Variants in NRTN observed in about 807,000 individuals in gnomAD.
NRTN encodes prepro-neurturin.
A neutral mutation model predicts 7.5 loss-of-function variants in NRTN; 3 were observed. The ratio of observed to expected loss-of-function variants is 0.40; its 90% CI spans 0.18 to 1.03. The LOEUF (loss-of-function observed/expected upper bound fraction) is 1.03, where lower values mean the gene tolerates loss of function less well. NRTN is among the 50% of genes least tolerant of loss of function. The probability of loss-of-function intolerance (pLI) is 0.34; values close to 1 mark genes in which losing one functional copy is unlikely to be tolerated. For synonymous variants in NRTN, 157 were observed against 146.6 expected (o/e 1.07, Z -0.51); for missense variants, 310 against 307.0 (o/e 1.01, Z -0.07).
rs1377614211 is a variant in NRTN at position 5,806,676 on chromosome 19, A to C, written c.-399+1225A>C. Among the ~76,000 whole-genome samples, 10 of 151,600 alleles carry C rather than the reference A, an allele frequency of 6.6e-5. No individual in the cohort carries two copies. The East Asian group carries it at 1.9e-3, about 29-fold the overall frequency. On this transcript the variant is annotated intron_variant, in intron 1 of 2. Coordinates refer to ENST00000303212, the MANE Select transcript of NRTN (RefSeq NM_004558.5). The surrounding 1 kb of genome is among the most constrained non-coding windows in gnomAD (Gnocchi z 5.4). ...CCCGAGGTTCATAGCTCCGGCACCG[A>C]CTCCACCCCCAGGGAGCTACAGAAA...
rs1004960281 is a variant in NRTN at position 5,828,178 on chromosome 19, A to G, written c.*5A>G. 1.1e-5 allele frequency: 17 copies of G among 1,527,976 alleles called. No homozygotes were observed. Among genetic ancestry groups the G allele is most frequent in the Non-Finnish European group, 1.3e-5 (15 of 1,143,752 alleles). The allele number at this position is 1,527,976 out of a possible 1,614,324, so 94.7% of individuals were successfully genotyped here. A position where few individuals can be genotyped will look rare whatever the true frequency, so the allele number is the denominator to read the frequency against. ...CGCGAGTGCGCCTGCGTGTGACCCTACCTCACTCGGCCGGCGCGGCGGCCA... is the reference window on the plus strand; with the variant it reads ...CGCGAGTGCGCCTGCGTGTGACCCTGCCTCACTCGGCCGGCGCGGCGGCCA... On this transcript the variant is annotated 3_prime_UTR_variant, in exon 3 of 3. Coordinates refer to ENST00000303212, the MANE Select transcript of NRTN (RefSeq NM_004558.5).
At chr19:5,821,290 C>T (rs2057023630) in intron 1 of NRTN, among the ~76,000 whole-genome samples, 1 of 143,448 alleles carries the variant, frequency 7.0e-6, no homozygotes, top group Non-Finnish European at 1.5e-5. Flanking sequence ...CACCCAGTGC[C>T]TAGCTTTTTT....
intron 1 of NRTN, among the ~76,000 whole-genome samples, chr19:5,810,492 G>T (rs1294625723): frequency 6.6e-6 from 1 of 151,866 alleles, no homozygotes; most frequent in Non-Finnish European, 1.5e-5. Context: ...GGAAAACAGG[G>T]CTAATAATAA....
intron 2 of NRTN, among the ~76,000 whole-genome samples, chr19:5,827,387 G>T (rs1035138236): frequency 1.3e-5 from 2 of 152,070 alleles, no homozygotes; most frequent in Admixed American, 6.6e-5. Flanking sequence ...TGAGAGAGGG[G>T]CCCAGAGGAG....
chr19:5,817,946 C>G (rs1291512594), intron 1 of NRTN, among the ~76,000 whole-genome samples: 1 of 151,870 alleles, frequency 6.6e-6, no homozygotes, highest in African/African-American at 2.4e-5. Context: ...ATTACAGGCG[C>G]ACACTGCCAC....
At chr19:5,824,445 C>A (rs761725811) in intron 2 of NRTN, 111 bp downstream of exon 2, 22 of 1,352,758 alleles carry the variant, frequency 1.6e-5, no homozygotes, top group Admixed American at 9.9e-5. Context: ...AAGATAGGGC[C>A]AGCCAGCCCC....
In NRTN at chr19:5,824,219, G is replaced by T; in HGVS notation, c.54G>T (p.Leu18=). The change falls in exon 2 of 3, where the codon CTG becomes CTT. Residue 18 remains leucine (L), a synonymous_variant. Coordinates refer to ENST00000303212, the MANE Select transcript of NRTN (RefSeq NM_004558.5). Reference sequence around the variant, plus strand: ...CCTCAGTGCTCTGCAGCTCCGTGCTGTCCATCTGGATGTGTCGAGAGGGCC... The same window carrying T: ...CCTCAGTGCTCTGCAGCTCCGTGCTTTCCATCTGGATGTGTCGAGAGGGCC... ...ALASVLCSSV[L]SIWMCREGLL... 1 of 1,612,270 alleles carries T rather than the reference G, an allele frequency of 6.2e-7. No individual in the cohort carries two copies.
chr19:5,814,230 G>T lies in NRTN; in HGVS notation c.-399+8779G>T, dbSNP rs544379851. On this transcript the variant is annotated intron_variant, in intron 1 of 2. Coordinates refer to ENST00000303212, the MANE Select transcript of NRTN (RefSeq NM_004558.5). ...CCTCTAGAAACTCCCATCCAGCAAA[G>T]ACAGTCATGGGCACAGACACCACGC... Among the ~76,000 whole-genome samples the T allele has an allele frequency of 1.2e-3, 186 of 151,230 alleles. 1 individual carries two copies. The highest frequency in any genetic ancestry group is 1.0e-3 in the South Asian group (5 of 4,826).
intron 1 of NRTN, among the ~76,000 whole-genome samples, chr19:5,822,795 GT>G (rs1419493512): frequency 6.6e-6 from 1 of 152,138 alleles, no homozygotes; most frequent in African/African-American, 2.4e-5. Flanking sequence ...GAGCCCAGGA[GT>G]TTGAGACCAG....
chr19:5,815,876 T>C (rs1318233802), intron 1 of NRTN, among the ~76,000 whole-genome samples: 7 of 150,294 alleles, frequency 4.7e-5, no homozygotes, highest in Non-Finnish European at 1.0e-4. Context: ...TCCTGAGTAG[T>C]TGGGATTACA....
chr19:5,805,347 C>A lies in NRTN; in HGVS notation c.-503C>A, dbSNP rs1474397878. On this transcript the variant is annotated 5_prime_UTR_variant, in exon 1 of 3. Transcript: ENST00000303212. ...GCCGCCCCCTCCGGCCCGGGCCCCCCCCGGGCACCGCGGGCCCAGGCGGCC... is the reference window on the plus strand; with the variant it reads ...GCCGCCCCCTCCGGCCCGGGCCCCCACCGGGCACCGCGGGCCCAGGCGGCC... Among the ~76,000 whole-genome samples the A allele has an allele frequency of 6.8e-6, 1 of 146,298 alleles. No homozygotes were observed. The highest frequency in any genetic ancestry group is 1.5e-5 in the Non-Finnish European group (1 of 65,888).
chr19:5,818,125 G>A lies in NRTN; in HGVS notation c.-398-5643G>A, dbSNP rs551457969. Among the ~76,000 whole-genome samples the A allele has an allele frequency of 3.3e-5, 5 of 152,082 alleles. No individual in the cohort carries two copies. In the South Asian group the frequency reaches 8.3e-4, roughly 25 times the overall value. On this transcript the variant is annotated intron_variant, in intron 1 of 2. Transcript: ENST00000303212. ...ATTACAGGCGCCCACCACCACACCC[G>A]GCTAATTTTTGTATTTTTAGTAGAG...
At chr19:5,819,559 A>G (rs934294145) in intron 1 of NRTN, among the ~76,000 whole-genome samples, 6 of 152,216 alleles carry the variant, frequency 3.9e-5, no homozygotes, top group African/African-American at 1.4e-4. Context: ...GCTACTTGGG[A>G]GGCTGAAGCA....
At chr19:5,808,631 C>T (rs1050789575) in intron 1 of NRTN, among the ~76,000 whole-genome samples, 4 of 152,182 alleles carry the variant, frequency 2.6e-5, no homozygotes. Flanking sequence ...CATCTCCCTG[C>T]ATTGTCCCCT....
In NRTN at chr19:5,828,057, C is replaced by G. The variant is rs1249212189; in HGVS notation, c.478C>G (p.Arg160Gly). The change falls in exon 3 of 3, where the codon CGC becomes GGC. Residue 160 changes from arginine to glycine, a missense_variant. By Grantham distance (125) the Arg-to-Gly change is moderately radical. Coordinates refer to ENST00000303212, the MANE Select transcript of NRTN (RefSeq NM_004558.5). ...GCGGCGCCTGCGGCGGGAGCGGGTG[C>G]GCGCGCAGCCCTGCTGCCGCCCGAC... ...QRRRLRRERV[R>G]AQPCCRPTAY... is the part of the protein sequence containing the mutation. 3.5e-6 allele frequency: 5 copies of G among 1,428,800 alleles called. No homozygotes were observed. The African/African-American group carries it at 6.0e-5, about 17-fold the overall frequency. The allele number at this position is 1,428,800 out of a possible 1,614,324, so 88.5% of individuals were successfully genotyped here. A position where few individuals can be genotyped will look rare whatever the true frequency, so the allele number is the denominator to read the frequency against.
rs2056970852 is a variant in NRTN at position 5,805,085 on chromosome 19, C to T, written c.-765C>T. 6.8e-6 allele frequency among the ~76,000 whole-genome samples: 1 copy of T among 146,648 alleles called. No homozygotes were observed. ...GACGGGCGGAGGCGGCGGGAGAGCG[C>T]GCCCTGAAGCCGCTCCGAGTGCCCA... On this transcript the variant is annotated 5_prime_UTR_variant, in exon 1 of 3. Coordinates refer to ENST00000303212, the MANE Select transcript of NRTN (RefSeq NM_004558.5).
chr19:5,812,118 G>T (rs550750206), intron 1 of NRTN, among the ~76,000 whole-genome samples: 1 of 151,818 alleles, frequency 6.6e-6, no homozygotes, highest in Non-Finnish European at 1.5e-5. Context: ...TGATCCACCC[G>T]CCTCGGCCTC....
chr19:5,816,213 T>C (rs1391004312), intron 1 of NRTN, among the ~76,000 whole-genome samples: 6 of 151,732 alleles, frequency 4.0e-5, no homozygotes, highest in African/African-American at 7.3e-5. Flanking sequence ...GTTTCACCAG[T>C]ATTTCTGCTA....
rs200288783 is a variant in NRTN at position 5,824,260 on chromosome 19, G to A, written c.95G>A (p.Arg32His). ...MCREGLLLSHRLGPALVPLHR... is the reference protein window; with the variant it reads ...MCREGLLLSHHLGPALVPLHR... ...CGAGAGGGCCTGCTTCTCAGCCACC[G>A]CCTCGGACCTGCGCTGGTCCCCCTG... The change falls in exon 2 of 3, where the codon CGC becomes CAC. Residue 32 changes from arginine to histidine, a missense_variant. Physicochemically the swap from Arg to His is conservative, Grantham distance 29. Transcript: ENST00000303212. 6.2e-6 allele frequency: 10 copies of A among 1,611,234 alleles called. No homozygotes were observed. The highest frequency in any genetic ancestry group is 1.7e-5 in the Admixed American group (1 of 59,876).
Sources: allele counts gnomAD v4.1 joint callset (sites outside exome capture counted in the v4.1 genomes callset), GRCh38; gene constraint gnomAD v4.1.1; non-coding constraint Gnocchi (gnomAD v3.1); transcripts MANE v1.5; gene names NCBI Gene and HGNC (gene_info 2026-07-23, HGNC 2026-07-21).